The following GRM7 variants were observed in gnomAD, a reference collection of about 807,000 sequenced individuals.
GRM7 encodes metabotropic glutamate receptor 7.
In GRM7, 35 loss-of-function variants were observed where a neutral mutation model predicts 84.5. The ratio of observed to expected loss-of-function variants is 0.41; its 90% CI spans 0.32 to 0.55. The LOEUF is 0.55. GRM7 is among the 20% of genes least tolerant of loss of function. The pLI, the probability that GRM7 is intolerant of heterozygous loss-of-function variation, is 0.19. For missense variants in GRM7, 1,003 were observed against 1,194.6 expected (o/e 0.84, Z 2.36); for synonymous variants, 487 against 455.1 (o/e 1.07, Z -0.89).
chr3:7,219,133 A>G lies in GRM7; in HGVS notation c.736+72465A>G, dbSNP rs115901327. Among the ~76,000 whole-genome samples the G allele has an allele frequency of 1.1e-3, 173 of 152,244 alleles. 1 individual carries two copies. The highest frequency in any genetic ancestry group is 4.1e-3 in the African/African-American group (169 of 41,558). On this transcript the variant is annotated intron_variant, in intron 2 of 9. Transcript: ENST00000357716. ...ACTCCTCTGAAGTTCATTGTTGCAT[A>G]CAGTGTGAGGAGATGCTTTGTTTTT... is the stretch of plus-strand genomic sequence containing the variant.
chr3:7,487,029 A>AT (rs1156633931), intron 7 of GRM7, among the ~76,000 whole-genome samples: 1 of 152,204 alleles, frequency 6.6e-6, no homozygotes, highest in Non-Finnish European at 1.5e-5. Flanking sequence ...GAAGTCTTAG[A>AT]TAAAAATAAG....
intron 4 of GRM7, among the ~76,000 whole-genome samples, chr3:7,355,955 C>T (rs960372471): frequency 6.6e-6 from 1 of 152,240 alleles, no homozygotes; most frequent in Non-Finnish European, 1.5e-5. Context: ...GCAGGTGCCA[C>T]CCAGAAGTCA....
chr3:7,013,269 A>G (rs1295250632), intron 1 of GRM7, among the ~76,000 whole-genome samples: 1 of 151,638 alleles, frequency 6.6e-6, no homozygotes, highest in South Asian at 2.1e-4. Flanking sequence ...GTCATTTTTT[A>G]TAAGGACCTT....
intron 7 of GRM7, among the ~76,000 whole-genome samples, chr3:7,464,380 A>G (rs1698375742): frequency 6.6e-6 from 1 of 152,228 alleles, no homozygotes; most frequent in Non-Finnish European, 1.5e-5. Context: ...AATATACTAC[A>G]GCCAAAATGA....
chr3:6,894,746 A>G (rs1473213742), intron 1 of GRM7, among the ~76,000 whole-genome samples: 1 of 152,206 alleles, frequency 6.6e-6, no homozygotes, highest in Non-Finnish European at 1.5e-5. Flanking sequence ...GGATAAAATC[A>G]AGCATTTCAA....
At chr3:7,238,790 TC>T (rs1374573052) in intron 2 of GRM7, among the ~76,000 whole-genome samples, 1 of 149,178 alleles carries the variant, frequency 6.7e-6, no homozygotes, top group Non-Finnish European at 1.5e-5. Context: ...TTCTTTCCTC[TC>T]TTCTCCTCTC....
Position 7,595,732 on chromosome 3 carries a change from T to G in GRM7, c.2451+16375T>G, listed in dbSNP as rs561014908. 4.0e-5 allele frequency among the ~76,000 whole-genome samples: 6 copies of G among 151,794 alleles called. No individual in the cohort carries two copies. The South Asian group carries it at 1.3e-3, about 32-fold the overall frequency. Reference sequence around the variant, plus strand: ...TAGGGAAGAGTGCCCAGGCCAGAGATGAGCAAATGCAAGGGCAGGTAGGCG... The same window carrying G: ...TAGGGAAGAGTGCCCAGGCCAGAGAGGAGCAAATGCAAGGGCAGGTAGGCG... On this transcript the variant is annotated intron_variant, in intron 8 of 9. Transcript: ENST00000357716.
chr3:7,487,075 G>T (rs753724132), intron 7 of GRM7, among the ~76,000 whole-genome samples: 3 of 152,158 alleles, frequency 2.0e-5, no homozygotes, highest in Non-Finnish European at 4.4e-5. Context: ...AAATACAGTT[G>T]TGAAGAACTT....
At chr3:7,233,768 C>T (rs189768480) in intron 2 of GRM7, among the ~76,000 whole-genome samples, 208 of 152,104 alleles carry the variant, frequency 1.4e-3, no homozygotes, top group African/African-American at 3.7e-3. Flanking sequence ...AAAATGACTC[C>T]GAACTGCAAA....
chr3:6,909,496 A>G (rs559167616), intron 1 of GRM7, among the ~76,000 whole-genome samples: 1 of 152,304 alleles, frequency 6.6e-6, no homozygotes, highest in East Asian at 1.9e-4. Flanking sequence ...TCCAGCAGAC[A>G]GCATATTCCT....
intron 1 of GRM7, among the ~76,000 whole-genome samples, chr3:7,143,295 A>T (rs1169026383): frequency 6.6e-6 from 1 of 152,182 alleles, no homozygotes; most frequent in East Asian, 1.9e-4. Flanking sequence ...GACAATAAGC[A>T]ACATCATTTT....
At chr3:7,385,445 C>T (rs1022465273) in intron 4 of GRM7, among the ~76,000 whole-genome samples, 6 of 151,728 alleles carry the variant, frequency 4.0e-5, no homozygotes, top group Non-Finnish European at 7.4e-5. Flanking sequence ...GGATTACAGG[C>T]GCTCACCACC....
chr3:7,425,455 A>C (rs1310415411), intron 5 of GRM7, among the ~76,000 whole-genome samples: 8 of 152,136 alleles, frequency 5.3e-5, no homozygotes, highest in Non-Finnish European at 7.3e-5. Flanking sequence ...TTTGCTTGGG[A>C]CCTTCTGTCC....
intron 1 of GRM7, among the ~76,000 whole-genome samples, chr3:6,989,117 T>C (rs1694539551): frequency 6.6e-6 from 1 of 152,218 alleles, no homozygotes; most frequent in African/African-American, 2.4e-5. Flanking sequence ...TGAAAGCAAC[T>C]ATAAATTGAC....
chr3:7,616,029 T>C (rs1046892995), intron 8 of GRM7, among the ~76,000 whole-genome samples: 1 of 152,104 alleles, frequency 6.6e-6, no homozygotes, highest in African/African-American at 2.4e-5. Flanking sequence ...AGGTTTCTAG[T>C]TGTACTCAGT....
chr3:7,656,518 A>ATATATAT (rs1298850673), intron 8 of GRM7, among the ~76,000 whole-genome samples: 3 of 93,286 alleles, frequency 3.2e-5, no homozygotes, highest in East Asian at 4.7e-4. Flanking sequence ...AACAAATAAA[A>ATATATAT]AAAAATATAT....
intron 1 of GRM7, among the ~76,000 whole-genome samples, chr3:7,047,993 A>G (rs1280824460): frequency 6.6e-6 from 1 of 152,032 alleles, no homozygotes; most frequent in African/African-American, 2.4e-5. Flanking sequence ...GAAGATTTTG[A>G]TGTTAAATAA....
At chr3:7,556,758 G>A (rs1461260990) in intron 7 of GRM7, among the ~76,000 whole-genome samples, 1 of 152,118 alleles carries the variant, frequency 6.6e-6, no homozygotes, top group East Asian at 1.9e-4. Context: ...CCATTTTAAG[G>A]GAGTTTCACC....
At chr3:7,031,573 C>T (rs1394191037) in intron 1 of GRM7, among the ~76,000 whole-genome samples, 5 of 151,992 alleles carry the variant, frequency 3.3e-5, no homozygotes, top group African/African-American at 9.7e-5. Flanking sequence ...CCCGCCACCA[C>T]GCCCAGCTAA....
Sources: allele counts gnomAD v4.1 joint callset (sites outside exome capture counted in the v4.1 genomes callset), GRCh38; gene constraint gnomAD v4.1.1; transcripts MANE v1.5; gene names NCBI Gene and HGNC (gene_info 2026-07-23, HGNC 2026-07-21).